AFF3: variants seen among roughly 807,000 people sequenced by gnomAD.
The protein encoded by AFF3 is AF4/FMR2 family member 3.
In AFF3, 32 loss-of-function variants were observed where a neutral mutation model predicts 129.7. The ratio of observed to expected loss-of-function variants is 0.25; its 90% CI spans 0.19 to 0.33. The LOEUF (loss-of-function observed/expected upper bound fraction) is 0.33, where lower values mean the gene tolerates loss of function less well. AFF3 is among the 10% of genes least tolerant of loss of function. The pLI is 1.00. For synonymous variants in AFF3, 644 were observed against 635.4 expected (o/e 1.01, Z -0.20); for missense variants, 1,373 against 1,592.0 (o/e 0.86, Z 2.34).
rs545158613 is a variant in AFF3, at chr2:100,137,558, C to G, written c.-228+4926G>C. Among the ~76,000 whole-genome samples, 18 of 100,280 alleles carry G rather than the reference C, an allele frequency of 1.8e-4. No homozygotes were observed. The South Asian group carries it at 5.9e-3, about 33-fold the overall frequency. The allele number at this position is 100,280 out of a possible 152,430, so 65.8% of individuals were successfully genotyped here. A position where few individuals can be genotyped will look rare whatever the true frequency, so the allele number is the denominator to read the frequency against. ...GCATACACACACACACACACACACA[C>G]AGACACACAGAGGCATCCTGGAGGA... On this transcript the variant is annotated intron_variant, in intron 1 of 24. Coordinates refer to ENST00000672756, the MANE Select transcript of AFF3 (RefSeq NM_001386135.1).
intron 7 of AFF3, among the ~76,000 whole-genome samples, chr2:99,997,348 C>A (rs1680938444): frequency 6.6e-6 from 1 of 152,142 alleles, no homozygotes; most frequent in Non-Finnish European, 1.5e-5. Flanking sequence ...TTGCTCAGAA[C>A]AAATATCTGT....
chr2:99,902,244 C>T (rs1249397194), intron 7 of AFF3, among the ~76,000 whole-genome samples: 1 of 151,846 alleles, frequency 6.6e-6, no homozygotes, highest in Non-Finnish European at 1.5e-5. Context: ...TTCTTAAAAT[C>T]TGGAAGTCAC....
intron 7 of AFF3, among the ~76,000 whole-genome samples, chr2:99,938,777 G>A (rs1262981605): frequency 6.6e-6 from 1 of 152,144 alleles, no homozygotes; most frequent in Non-Finnish European, 1.5e-5. Context: ...TTTGTGACTT[G>A]CCAGTCCCCA....
At chr2:99,788,789 T>C (rs1443783252) in intron 8 of AFF3, among the ~76,000 whole-genome samples, 1 of 152,234 alleles carries the variant, frequency 6.6e-6, no homozygotes, top group African/African-American at 2.4e-5. Flanking sequence ...TCCAGTCCTG[T>C]AAGCTCCTTT....
rs562630098 is a variant in AFF3, at chr2:100,046,966, C to CA, written c.54-38035dup. Among the ~76,000 whole-genome samples, 226 of 132,886 alleles carry CA rather than the reference C, an allele frequency of 1.7e-3. 1 individual carries two copies. The highest frequency in any genetic ancestry group is 3.7e-3 in the Middle Eastern group (1 of 268). 87.2% of individuals were successfully genotyped at this position (132,886 alleles called of 152,430 possible). On this transcript the variant is annotated intron_variant, in intron 4 of 24. Coordinates refer to ENST00000672756, the MANE Select transcript of AFF3 (RefSeq NM_001386135.1). ...CAAATCTATGACTCCTCTTAACAGCCAAAAAAAAAAAAATCTTGAAATAAT... is the reference window on the plus strand; with the variant it reads ...CAAATCTATGACTCCTCTTAACAGCCAAAAAAAAAAAAAATCTTGAAATAAT...
intron 7 of AFF3, among the ~76,000 whole-genome samples, chr2:99,969,478 C>CATTTATTTATTTATTTATTT (rs6146857): frequency 0.14 from 21,380 of 150,360 alleles, 2,034 homozygotes; most frequent in African/African-American, 0.25. Flanking sequence ...ATTTTATTTT[C>CATTTATTTATTTATTTATTT]ATTTATTTAT....
At chr2:99,767,962 C>G (rs1207227762) in intron 8 of AFF3, among the ~76,000 whole-genome samples, 1 of 152,126 alleles carries the variant, frequency 6.6e-6, no homozygotes, top group Non-Finnish European at 1.5e-5. Flanking sequence ...CTGGGAATCC[C>G]CAGCCTGGAG....
chr2:99,912,330 C>T (rs1695159035), intron 7 of AFF3, among the ~76,000 whole-genome samples: 1 of 152,082 alleles, frequency 6.6e-6, no homozygotes, highest in Non-Finnish European at 1.5e-5. Context: ...AAACATAGTC[C>T]ATAAATGCCA....
intron 8 of AFF3, among the ~76,000 whole-genome samples, chr2:99,785,182 T>C (rs886659492): frequency 6.6e-6 from 1 of 152,204 alleles, no homozygotes; most frequent in Non-Finnish European, 1.5e-5. Context: ...GGCTTGTCTG[T>C]TCTTAATCGA....
chr2:100,060,456 G>C (rs1374892712), intron 4 of AFF3, among the ~76,000 whole-genome samples: 1 of 152,078 alleles, frequency 6.6e-6, no homozygotes, highest in African/African-American at 2.4e-5. Flanking sequence ...CTGCTTAACC[G>C]GGCTACCTTT....
At chr2:99,571,089 C>T (rs1442398600) in intron 18 of AFF3, among the ~76,000 whole-genome samples, 2 of 152,162 alleles carry the variant, frequency 1.3e-5, no homozygotes, top group Non-Finnish European at 2.9e-5. Context: ...TTGATCTTTC[C>T]CACCCTGTAG....
At chr2:99,933,453 G>C (rs1394452652) in intron 7 of AFF3, among the ~76,000 whole-genome samples, 1 of 152,028 alleles carries the variant, frequency 6.6e-6, no homozygotes, top group African/African-American at 2.4e-5. Context: ...AGCCCTGCAT[G>C]CATTAGGTAT....
intron 7 of AFF3, among the ~76,000 whole-genome samples, chr2:99,978,675 T>C (rs1261783703): frequency 6.6e-6 from 1 of 152,150 alleles, no homozygotes; most frequent in Non-Finnish European, 1.5e-5. Context: ...AAGGTGATGA[T>C]ATCAAGAAGA....
At chr2:99,983,661 T>C (rs1424977775) in intron 7 of AFF3, among the ~76,000 whole-genome samples, 4 of 152,150 alleles carry the variant, frequency 2.6e-5, no homozygotes, top group Non-Finnish European at 5.9e-5. Flanking sequence ...ATCTGGGCAA[T>C]CTAGGTGAGA....
chr2:99,988,458 G>T (rs904378092), intron 7 of AFF3, among the ~76,000 whole-genome samples: 1 of 152,186 alleles, frequency 6.6e-6, no homozygotes, highest in Non-Finnish European at 1.5e-5. Context: ...GTGAGGTGAT[G>T]TAAAGGGTCC....
In AFF3 at chr2:99,649,876, C is replaced by T. The variant is rs141295541; in HGVS notation, c.1144-210G>A. On this transcript the variant is annotated intron_variant, in intron 12 of 24. Transcript: ENST00000672756. ...CCTTCACGGACAGTTAACTGAAGCC[C>T]GGCAATGCACACCTGCAACTAGGGG... 5.7e-3 allele frequency among the ~76,000 whole-genome samples: 865 copies of T among 152,228 alleles called. 5 individuals carry two copies. The highest frequency in any genetic ancestry group is 0.019 in the African/African-American group (799 of 41,544).
intron 4 of AFF3, among the ~76,000 whole-genome samples, chr2:100,080,085 G>A (rs1688925777): frequency 1.3e-5 from 2 of 152,194 alleles, no homozygotes; most frequent in African/African-American, 4.8e-5. Context: ...AGTTTTTTAA[G>A]AGAACTGTAC....
At chr2:99,974,867 C>G (rs1678723396) in intron 7 of AFF3, among the ~76,000 whole-genome samples, 1 of 152,166 alleles carries the variant, frequency 6.6e-6, no homozygotes, top group Admixed American at 6.5e-5. Context: ...ACACGTGTGA[C>G]AAACTCTACC....
chr2:99,845,514 T>C (rs553084420), intron 7 of AFF3, among the ~76,000 whole-genome samples: 1 of 152,194 alleles, frequency 6.6e-6, no homozygotes, highest in Non-Finnish European at 1.5e-5. Context: ...CATGGGGTCA[T>C]GTCTCAAAAA....
Sources: allele counts gnomAD v4.1 joint callset (sites outside exome capture counted in the v4.1 genomes callset), GRCh38; gene constraint gnomAD v4.1.1; transcripts MANE v1.5; gene names NCBI Gene and HGNC (gene_info 2026-07-23, HGNC 2026-07-21).